Variants in HIP1 observed in about 807,000 individuals in gnomAD.
HIP1 encodes huntingtin interacting protein 1.
HIP1 carries 65 observed loss-of-function variants against 147.6 expected under a neutral mutation model. The observed-to-expected ratio is 0.44, with a 90% CI of 0.36 to 0.54. HIP1 has a LOEUF of 0.54. Ranked by LOEUF, HIP1 falls within the 20% of genes least tolerant of loss-of-function variation. HIP1 has a pLI of 0.00. For synonymous variants in HIP1, 479 were observed against 504.0 expected, an observed-to-expected ratio of 0.95 and a Z score of 0.67; for missense variants, 1,061 against 1,299.6, an observed-to-expected ratio of 0.82 and a Z score of 2.82.
intron 1 of HIP1, among the ~76,000 whole-genome samples, chr7:75,655,321 G>A (rs1799112373): frequency 1.3e-5 from 2 of 152,170 alleles, no homozygotes. Flanking sequence ...GCTCACGCCT[G>A]TAATCCCAGC....
intron 1 of HIP1, chr7:75,733,424 CTTTTTCTTTTTTTTTT>C (rs1169073284): frequency 7.4e-6 from 1 of 135,948 alleles, no homozygotes; most frequent in African/African-American, 3.0e-5. Flanking sequence ...CCTTTCTTTT[CTTTTTCTTTTTTTTTT>C]TTTTTTGAGG....
In HIP1 at chr7:75,559,925, G is replaced by C; in HGVS notation, c.1192-10C>G. ...GCACAACCCGCTGGCTCTGTGGGGG[G>C]ACTCCGGTCATGAGGCCAACCGCCC... On this transcript the variant is annotated splice_polypyrimidine_tract_variant and intron_variant, in intron 13 of 30. Transcript: ENST00000336926. 2 of 1,587,758 alleles carry C rather than the reference G, an allele frequency of 1.3e-6. No homozygotes were observed. The highest frequency in any genetic ancestry group is 1.7e-6 in the Non-Finnish European group (2 of 1,169,582).
At chr7:75,553,386 C>T (rs782726010) in intron 22 of HIP1, 67 bp downstream of exon 22, 3 of 1,559,144 alleles carry the variant, frequency 1.9e-6, no homozygotes, top group East Asian at 2.3e-5. Context: ...CACCGATTCC[C>T]TGGCCATTCA....
At chr7:75,715,970 T>C (rs1322489285) in intron 1 of HIP1, among the ~76,000 whole-genome samples, 3 of 151,878 alleles carry the variant, frequency 2.0e-5, no homozygotes, top group African/African-American at 7.3e-5. Context: ...AGCCAGGCTC[T>C]TTTAAACAAC....
chr7:75,551,455 T>A (rs587737190), intron 22 of HIP1, among the ~76,000 whole-genome samples: 3 of 152,016 alleles, frequency 2.0e-5, no homozygotes, highest in African/African-American at 7.2e-5. Flanking sequence ...CCTCAAGTGA[T>A]CCACCCACCT....
At chr7:75,539,062 A>T (rs1794198270) in intron 30 of HIP1, among the ~76,000 whole-genome samples, 1 of 152,140 alleles carries the variant, frequency 6.6e-6, no homozygotes, top group Non-Finnish European at 1.5e-5. Context: ...CCTGGGAGGG[A>T]ATGGCAGTGA....
intron 1 of HIP1, among the ~76,000 whole-genome samples, chr7:75,633,359 C>G (rs1303641191): frequency 6.6e-6 from 1 of 152,070 alleles, no homozygotes; most frequent in Non-Finnish European, 1.5e-5. Context: ...GTGGTGCGAT[C>G]TCAGCTTACT....
At chr7:75,724,992 T>C (rs1373728515) in intron 1 of HIP1, among the ~76,000 whole-genome samples, 1 of 152,194 alleles carries the variant, frequency 6.6e-6, no homozygotes, top group African/African-American at 2.4e-5. Context: ...TCTTAGACAC[T>C]GTCTCCTACT....
chr7:75,713,866 T>C (rs1268803000), intron 1 of HIP1, among the ~76,000 whole-genome samples: 1 of 150,202 alleles, frequency 6.7e-6, no homozygotes, highest in African/African-American at 2.5e-5. Flanking sequence ...ATGCCCAGCA[T>C]TTTTTGTATT....
chr7:75,687,415 G>A (rs1298944972), intron 1 of HIP1, among the ~76,000 whole-genome samples: 1 of 152,196 alleles, frequency 6.6e-6, no homozygotes, highest in Non-Finnish European at 1.5e-5. Context: ...ATCTGGGCCG[G>A]GCACGGTGGC....
Position 75,554,444 on chromosome 7 carries a change from T to C in HIP1, c.2046A>G (p.Pro682=). ...ACTGTCCTTGGCCATTCTTACCTTC[T>C]GGGCAGGCCAGATACTGGCTCCAGC... ...EKSWSQYLAC[P]EDISGLLHSI... The change falls in exon 20 of 31, where the codon CCA becomes CCG. Residue 682 remains proline, a synonymous_variant. Coordinates refer to ENST00000336926, the MANE Select transcript of HIP1 (RefSeq NM_005338.7). The C allele has an allele frequency of 6.2e-7, 1 of 1,613,198 alleles. No individual in the cohort carries two copies. The highest frequency in any genetic ancestry group is 8.5e-7 in the Non-Finnish European group (1 of 1,179,190).
intron 1 of HIP1, among the ~76,000 whole-genome samples, chr7:75,728,293 G>A (rs782581637): frequency 1.3e-5 from 2 of 152,142 alleles, no homozygotes; most frequent in Non-Finnish European, 2.9e-5. Flanking sequence ...CTTAAATCAC[G>A]GTCCCTCTCC....
chr7:75,555,496 C>G lies in HIP1; in HGVS notation c.1883G>C (p.Arg628Thr), dbSNP rs782138369. ...TTGTATCACCTGCTCCGCAGCCTTCCTGGACCCCACCAGAAGCATTTTTCG... is the reference window on the plus strand; with the variant it reads ...TTGTATCACCTGCTCCGCAGCCTTCGTGGACCCCACCAGAAGCATTTTTCG... ...DQRKMLLVGS[R>T]KAAEQVIQDA... The change falls in exon 19 of 31, where the codon AGG (arginine) becomes ACG (threonine). Residue 628 changes from arginine to threonine, a missense_variant. Arg to Thr is a moderately conservative substitution (Grantham distance 71). This residue lies in a region of HIP1 where 810 missense variants were observed against 946.8 expected (regional missense o/e 0.86). Transcript: ENST00000336926. The G allele has an allele frequency of 1.9e-6, 3 of 1,614,222 alleles. No homozygotes were observed. Among genetic ancestry groups the G allele is most frequent in the South Asian group, 2.2e-5 (2 of 91,090 alleles).
At chr7:75,552,529 T>A (rs879968626) in intron 22 of HIP1, among the ~76,000 whole-genome samples, 23 of 141,886 alleles carry the variant, frequency 1.6e-4, no homozygotes, top group African/African-American at 2.5e-4. Flanking sequence ...AAAAAAAAAA[T>A]TTTATTTTGT....
At chr7:75,656,570 T>C (rs777906986) in intron 1 of HIP1, among the ~76,000 whole-genome samples, 7 of 152,146 alleles carry the variant, frequency 4.6e-5, no homozygotes, top group Non-Finnish European at 1.0e-4. Context: ...CTCTGCCTCC[T>C]GGGTTCAAGC....
At chr7:75,633,147 AAAGTTG>A (rs1798290327) in intron 1 of HIP1, among the ~76,000 whole-genome samples, 1 of 152,122 alleles carries the variant, frequency 6.6e-6, no homozygotes, top group African/African-American at 2.4e-5. Flanking sequence ...CCTGAACTTA[AAAGTTG>A]AAGAAAAAAA....
chr7:75,659,416 C>T (rs1018205943), intron 1 of HIP1, among the ~76,000 whole-genome samples: 35 of 151,968 alleles, frequency 2.3e-4, no homozygotes, highest in African/African-American at 7.7e-4. Context: ...CCCAGCACTT[C>T]GGGAGGCCAA....
chr7:75,705,389 C>T (rs1281413397), intron 1 of HIP1, among the ~76,000 whole-genome samples: 1 of 145,574 alleles, frequency 6.9e-6, no homozygotes, highest in Non-Finnish European at 1.5e-5. Flanking sequence ...TTTTTTGAGA[C>T]GAAGTTTCAC....
At chr7:75,693,723 A>C (rs951715964) in intron 1 of HIP1, among the ~76,000 whole-genome samples, 5 of 150,768 alleles carry the variant, frequency 3.3e-5, no homozygotes, top group African/African-American at 1.2e-4. Flanking sequence ...AAAAATACAA[A>C]AATTAGCCAG....
Sources: allele counts gnomAD v4.1 joint callset (sites outside exome capture counted in the v4.1 genomes callset), GRCh38; gene constraint gnomAD v4.1.1; regional missense constraint gnomAD v4.1.1; transcripts MANE v1.5; gene names NCBI Gene and HGNC (gene_info 2026-07-23, HGNC 2026-07-21).